AGBL4: variants seen among roughly 807,000 people sequenced by gnomAD.
AGBL4 encodes cytosolic carboxypeptidase 6.
A neutral mutation model predicts 66.4 loss-of-function variants in AGBL4; 58 were observed. The observed-to-expected ratio is 0.87, with a 90% CI of 0.71 to 1.09. The LOEUF is 1.09. Among genes scored for constraint, AGBL4 ranks in the 50% least tolerant of loss-of-function variants. The pLI is 0.00. For synonymous variants in AGBL4, 234 were observed against 222.9 expected (o/e 1.05, Z -0.44); for missense variants, 579 against 631.0 (o/e 0.92, Z 0.88).
intron 3 of AGBL4, among the ~76,000 whole-genome samples, chr1:49,560,171 T>G (rs1397045571): frequency 1.3e-5 from 2 of 152,112 alleles, no homozygotes; most frequent in African/African-American, 4.8e-5. Flanking sequence ...AACAATATGT[T>G]ACCTTTCAGA....
intron 3 of AGBL4, among the ~76,000 whole-genome samples, chr1:49,391,569 T>G (rs890153571): frequency 6.7e-6 from 1 of 149,600 alleles, no homozygotes; most frequent in African/African-American, 2.5e-5. Flanking sequence ...TTTTGTTTTT[T>G]TTTTTTTTTG....
rs144900432 is a variant in AGBL4, at chr1:48,781,785, C to T, written c.634+85406G>A. ...AGGTTCACCAAGACTCTCACGCCTG[C>T]CCTTCAGACATGGTGAAACTTGGAA... is the stretch of plus-strand genomic sequence containing the variant. On this transcript the variant is annotated intron_variant, in intron 6 of 13. Transcript: ENST00000371839. 2.3e-3 allele frequency among the ~76,000 whole-genome samples: 345 copies of T among 152,334 alleles called. 1 individual carries two copies. Among genetic ancestry groups the T allele is most frequent in the African/African-American group, 8.1e-3 (338 of 41,560 alleles).
intron 1 of AGBL4, among the ~76,000 whole-genome samples, chr1:49,878,139 T>A (rs886582889): frequency 8.2e-5 from 12 of 146,270 alleles, no homozygotes; most frequent in Admixed American, 2.7e-4. Flanking sequence ...TTTTGAAGGG[T>A]TTTTTGTGTC....
At chr1:49,638,251 GAAAT>G (rs952331127) in intron 3 of AGBL4, among the ~76,000 whole-genome samples, 46 of 152,028 alleles carry the variant, frequency 3.0e-4, no homozygotes, top group African/African-American at 5.8e-4. Flanking sequence ...CCTTTGTTTA[GAAAT>G]AAATAAACAC....
At chr1:49,309,458 T>C (rs1644906994) in intron 3 of AGBL4, among the ~76,000 whole-genome samples, 1 of 152,118 alleles carries the variant, frequency 6.6e-6, no homozygotes, top group Admixed American at 6.6e-5. Flanking sequence ...TTGATACTGG[T>C]GATCTGTAGA....
chr1:49,652,298 T>C (rs1429034078), intron 3 of AGBL4, among the ~76,000 whole-genome samples: 1 of 151,956 alleles, frequency 6.6e-6, no homozygotes, highest in Non-Finnish European at 1.5e-5. Flanking sequence ...TTCAAGAAAA[T>C]TTCCATGCTC....
intron 2 of AGBL4, among the ~76,000 whole-genome samples, chr1:49,828,700 G>A (rs1197451987): frequency 1.3e-5 from 2 of 152,184 alleles, no homozygotes; most frequent in African/African-American, 4.8e-5. Context: ...GAAAGAATGA[G>A]ATGTGATTTG....
intron 3 of AGBL4, among the ~76,000 whole-genome samples, chr1:49,491,576 G>C (rs1347616080): frequency 6.6e-6 from 1 of 151,818 alleles, no homozygotes; most frequent in African/African-American, 2.4e-5. Flanking sequence ...AAATTACTCA[G>C]GAGACTGTGG....
In AGBL4 at chr1:49,343,342, G is replaced by T. The variant is rs566787794; in HGVS notation, c.283-97478C>A. On this transcript the variant is annotated intron_variant, in intron 3 of 13. Transcript: ENST00000371839. ...CTAAGGCTCTGTTCTGTTTTGCATTGCATTTGGGGGGTATCAGAAATTACT... is the reference window on the plus strand; with the variant it reads ...CTAAGGCTCTGTTCTGTTTTGCATTTCATTTGGGGGGTATCAGAAATTACT... 1.3e-5 allele frequency among the ~76,000 whole-genome samples: 2 copies of T among 152,276 alleles called. 1 individual carries two copies. The highest frequency in any genetic ancestry group is 3.9e-4 in the East Asian group (2 of 5,180).
intron 3 of AGBL4, among the ~76,000 whole-genome samples, chr1:49,317,135 T>C (rs1342781793): frequency 6.6e-6 from 1 of 151,936 alleles, no homozygotes; most frequent in Non-Finnish European, 1.5e-5. Flanking sequence ...TTAACTTTGT[T>C]TATGTATTTT....
chr1:49,067,183 G>T (rs1488230007), intron 4 of AGBL4, among the ~76,000 whole-genome samples: 1 of 152,088 alleles, frequency 6.6e-6, no homozygotes, highest in Non-Finnish European at 1.5e-5. Context: ...TGGGCCTCGA[G>T]GAATAGATGA....
At chr1:49,430,406 C>T (rs1263555835) in intron 3 of AGBL4, among the ~76,000 whole-genome samples, 1 of 152,142 alleles carries the variant, frequency 6.6e-6, no homozygotes, top group East Asian at 1.9e-4. Flanking sequence ...TTTCTTTTCC[C>T]TAGCTCACCC....
intron 2 of AGBL4, among the ~76,000 whole-genome samples, chr1:49,806,633 A>C (rs2147960549): frequency 6.6e-6 from 1 of 152,356 alleles, no homozygotes; most frequent in East Asian, 1.9e-4. Flanking sequence ...TGAACATTTG[A>C]TAAGATTAAT....
At chr1:48,681,368 C>T (rs1006420928) in intron 6 of AGBL4, among the ~76,000 whole-genome samples, 2 of 152,130 alleles carry the variant, frequency 1.3e-5, no homozygotes, top group African/African-American at 4.8e-5. Flanking sequence ...CCACATCAGG[C>T]CCCCAAAGAT....
chr1:49,198,709 C>T (rs565261065), intron 4 of AGBL4, among the ~76,000 whole-genome samples: 211 of 151,588 alleles, frequency 1.4e-3, no homozygotes, highest in African/African-American at 4.9e-3. Flanking sequence ...CATTGTTTGC[C>T]ATATCACGGT....
intron 1 of AGBL4, chr1:49,995,284 T>G (rs1229041280): frequency 2.2e-6 from 1 of 454,732 alleles, no homozygotes; most frequent in Non-Finnish European, 4.4e-6. Flanking sequence ...ACCGGCTGCC[T>G]GGAAATAAAC....
At chr1:48,580,604 T>C (rs1276094910) in intron 11 of AGBL4, among the ~76,000 whole-genome samples, 1 of 152,208 alleles carries the variant, frequency 6.6e-6, no homozygotes, top group African/African-American at 2.4e-5. Context: ...ATTAGAGAAC[T>C]TTTAATTTCC....
chr1:49,753,211 T>A (rs1651614863), intron 2 of AGBL4, among the ~76,000 whole-genome samples: 1 of 152,226 alleles, frequency 6.6e-6, no homozygotes, highest in African/African-American at 2.4e-5. Flanking sequence ...GGTACTGGTT[T>A]ATGCTTTCCA....
intron 3 of AGBL4, among the ~76,000 whole-genome samples, chr1:49,386,014 G>A (rs78629632): frequency 8.0e-4 from 122 of 152,044 alleles, no homozygotes; most frequent in African/African-American, 2.9e-3. Flanking sequence ...TAATGCTGTG[G>A]TAAACTAATT....
Sources: allele counts gnomAD v4.1 joint callset (sites outside exome capture counted in the v4.1 genomes callset), GRCh38; gene constraint gnomAD v4.1.1; transcripts MANE v1.5; gene names NCBI Gene and HGNC (gene_info 2026-07-23, HGNC 2026-07-21).